TNFAIP6: variants seen among roughly 807,000 people sequenced by gnomAD.
TNFAIP6 encodes the protein tumor necrosis factor-inducible gene 6 protein.
Under a neutral mutation model 33.7 loss-of-function variants are expected in TNFAIP6, and 36 were observed. That is an observed-to-expected ratio of 1.07 (90% CI 0.82 to 1.41). The LOEUF (loss-of-function observed/expected upper bound fraction) is 1.41. TNFAIP6 is among the 40% of genes most tolerant of loss of function. TNFAIP6 has a pLI of 0.00. For missense variants in TNFAIP6, 273 were observed against 331.9 expected (o/e 0.82, Z 1.38); for synonymous variants, 113 against 112.8 (o/e 1.00, Z -0.01).
intron 1 of TNFAIP6, among the ~76,000 whole-genome samples, chr2:151,361,870 A>G (rs1684629569): frequency 6.6e-6 from 1 of 152,196 alleles, no homozygotes; most frequent in Admixed American, 6.5e-5. Context: ...CAGATTGACT[A>G]AGGTCCTCTG....
intron 4 of TNFAIP6, among the ~76,000 whole-genome samples, chr2:151,372,840 A>C (rs977240285): frequency 2.6e-5 from 4 of 152,128 alleles, no homozygotes; most frequent in Admixed American, 6.5e-5. Context: ...GAATCACTTG[A>C]ACCCAGGAGG....
At chr2:151,358,288 C>T (rs564571571) in intron 1 of TNFAIP6, among the ~76,000 whole-genome samples, 4 of 152,314 alleles carry the variant, frequency 2.6e-5, no homozygotes, top group African/African-American at 9.6e-5. Flanking sequence ...AAATGTTTCT[C>T]CTTCTGAATG....
chr2:151,367,516 C>G (rs567938022), intron 3 of TNFAIP6, among the ~76,000 whole-genome samples: 12 of 152,072 alleles, frequency 7.9e-5, no homozygotes, highest in Admixed American at 2.6e-4. Context: ...ACTTGATAAA[C>G]TTTAGGATCT....
Position 151,359,579 on chromosome 2 carries a change from A to G in TNFAIP6, c.94+1819A>G, listed in dbSNP as rs768368302. Reference sequence around the variant, plus strand: ...AATTTTTTGTATTTTTAGTAGAGACAGAGTTTCACCATGTTAGCCAGGGTG... The same window carrying G: ...AATTTTTTGTATTTTTAGTAGAGACGGAGTTTCACCATGTTAGCCAGGGTG... On this transcript the variant is annotated intron_variant, in intron 1 of 5. Transcript: ENST00000243347. Among the ~76,000 whole-genome samples, 15 of 152,156 alleles carry G rather than the reference A, an allele frequency of 9.9e-5. No individual in the cohort carries two copies. In the South Asian group the frequency reaches 1.0e-3, roughly 11 times the overall value.
At chr2:151,380,176 C>A (rs1052180088), downstream of TNFAIP6, 10 of 151,934 alleles carry the variant, frequency 6.6e-5, no homozygotes, top group African/African-American at 2.2e-4. Flanking sequence ...TTTGAATTTG[C>A]ATTTCTTTAT....
chr2:151,376,948 C>T (rs1010099469), intron 5 of TNFAIP6, among the ~76,000 whole-genome samples: 1 of 144,924 alleles, frequency 6.9e-6, no homozygotes, highest in Non-Finnish European at 1.5e-5. Flanking sequence ...GCCATCACAG[C>T]TCACTACAGC....
intron 5 of TNFAIP6, among the ~76,000 whole-genome samples, chr2:151,377,589 C>T (rs931068724): frequency 6.6e-6 from 1 of 151,294 alleles, no homozygotes; most frequent in Admixed American, 6.6e-5. Flanking sequence ...AATAGAAGAG[C>T]AAAAAAGTAT....
intron 5 of TNFAIP6, among the ~76,000 whole-genome samples, chr2:151,374,109 T>C (rs954845345): frequency 2.0e-5 from 3 of 152,142 alleles, no homozygotes; most frequent in African/African-American, 7.2e-5. Context: ...TTGGAAAACG[T>C]TGGGTTAAAC....
intron 5 of TNFAIP6, among the ~76,000 whole-genome samples, chr2:151,376,885 T>TTTTTTTTTTTTTTTTTC (rs1684920132): frequency 7.6e-6 from 1 of 132,270 alleles, no homozygotes; most frequent in African/African-American, 2.7e-5. Flanking sequence ...TTTTTTTTTT[T>TTTTTTTTTTTTTTTTTC]GTTTTTTTTG....
chr2:151,366,120 A>G lies in TNFAIP6; in HGVS notation c.297A>G (p.Pro99=). 1 of 1,607,882 alleles carries G rather than the reference A, an allele frequency of 6.2e-7. No homozygotes were observed. The change falls in exon 3 of 6, where the codon CCA becomes CCG. Residue 99 remains proline, a synonymous_variant. Transcript: ENST00000243347. ...GAGTTGGATACCCCATTGTGAAGCC[A>G]GGGCCCAACTGTGGATTTGGAAAAA... ...KGRVGYPIVK[P]GPNCGFGKTG... is the part of the protein sequence containing the mutation.
chr2:151,364,375 C>T (rs1464369717), intron 2 of TNFAIP6, among the ~76,000 whole-genome samples: 2 of 152,130 alleles, frequency 1.3e-5, no homozygotes, highest in South Asian at 2.1e-4. Flanking sequence ...AATTTCAATG[C>T]CATTGCTATT....
At chr2:151,373,397 C>G (rs1040370048) in intron 4 of TNFAIP6, 152 bp from the exon 5 acceptor site, 2 of 410,864 alleles carry the variant, frequency 4.9e-6, no homozygotes, top group South Asian at 8.7e-5. Context: ...CTCCTACTCT[C>G]TCTTACAAAT....
chr2:151,360,149 T>C (rs1460972275), intron 1 of TNFAIP6, among the ~76,000 whole-genome samples: 1 of 151,890 alleles, frequency 6.6e-6, no homozygotes, highest in Non-Finnish European at 1.5e-5. Flanking sequence ...AAAAACACAA[T>C]TAACTGGGTG....
At chr2:151,378,494 T>TC (rs1018609491) in intron 5 of TNFAIP6, among the ~76,000 whole-genome samples, 6 of 150,532 alleles carry the variant, frequency 4.0e-5, no homozygotes, top group Middle Eastern at 3.2e-3. Flanking sequence ...GTATCTTCTT[T>TC]TTTTTTTTTT....
At chr2:151,359,295 T>G (rs1371249255) in intron 1 of TNFAIP6, among the ~76,000 whole-genome samples, 8 of 152,114 alleles carry the variant, frequency 5.3e-5, no homozygotes, top group South Asian at 4.1e-4. Context: ...TGTTAGCAAC[T>G]ATCAAGAACA....
intron 1 of TNFAIP6, among the ~76,000 whole-genome samples, chr2:151,359,885 T>C (rs1463511804): frequency 6.6e-6 from 1 of 152,158 alleles, no homozygotes; most frequent in Non-Finnish European, 1.5e-5. Context: ...TTTAAAATAG[T>C]ACTTAAAACA....
At chr2:151,362,673 A>G (rs1229908792) in intron 1 of TNFAIP6, among the ~76,000 whole-genome samples, 4 of 150,966 alleles carry the variant, frequency 2.6e-5, no homozygotes, top group African/African-American at 9.7e-5. Flanking sequence ...TGTATTTTTA[A>G]TAGAGACAGG....
intron 2 of TNFAIP6, 127 bp downstream of exon 2, chr2:151,364,207 T>G (rs1684675322): frequency 8.3e-7 from 1 of 1,203,646 alleles, no homozygotes; most frequent in African/African-American, 1.5e-5. Flanking sequence ...CCTAGGACAT[T>G]TCTGCTCTCT....
chr2:151,372,392 T>A (rs1179234821), intron 4 of TNFAIP6: 1 of 152,242 alleles, frequency 6.6e-6, no homozygotes, highest in Admixed American at 6.5e-5. Context: ...AGACTTTTCC[T>A]CTAGAATAAA....
Sources: gnomAD v4.1 joint callset for allele counts (sites outside exome capture counted in the v4.1 genomes callset) on GRCh38, gnomAD v4.1.1 for gene constraint, MANE v1.5 for transcripts, NCBI Gene and HGNC (gene_info 2026-07-23, HGNC 2026-07-21) for gene names.